Variants in FRMPD4 observed in about 807,000 individuals in gnomAD.
FRMPD4 encodes FERM and PDZ domain-containing protein 4.
FRMPD4 carries 22 observed loss-of-function variants against 94.1 expected under a neutral mutation model. The ratio of observed to expected loss-of-function variants is 0.23; its 90% CI spans 0.17 to 0.33. The LOEUF (loss-of-function observed/expected upper bound fraction) is 0.33, where lower values mean the gene tolerates loss of function less well. Among genes scored for constraint, FRMPD4 ranks in the 10% least tolerant of loss-of-function variants. The pLI, the probability that FRMPD4 is intolerant of heterozygous loss-of-function variation, is 1.00. For synonymous variants in FRMPD4, 631 were observed against 548.6 expected (o/e 1.15, Z -2.10); for missense variants, 1,111 against 1,339.9 (o/e 0.83, Z 2.67).
intron 3 of FRMPD4, among the ~76,000 whole-genome samples, chrX:12,015,621 C>T (rs1038314896): frequency 8.9e-5 from 10 of 112,388 alleles, no homozygotes; most frequent in Admixed American, 8.5e-4. Context: ...TTCCTAGTCT[C>T]CTGTGCATTT....
chrX:12,126,480 G>A (rs2055501337), intron 3 of FRMPD4, among the ~76,000 whole-genome samples: 1 of 111,665 alleles, frequency 9.0e-6, no homozygotes, highest in South Asian at 3.8e-4. Flanking sequence ...TACAGCTAAG[G>A]ATGGATCTGA....
At chrX:12,675,013 A>G (rs2059883954) in intron 5 of FRMPD4, 105 bp downstream of exon 5, 1 of 586,655 alleles carries the variant, frequency 1.7e-6, no homozygotes, top group African/African-American at 2.2e-5. Context: ...GAGAAAAATA[A>G]CATGCACTCA....
chrX:12,234,434 G>A (rs1365596996), intron 1 of FRMPD4, among the ~76,000 whole-genome samples: 2 of 111,429 alleles, frequency 1.8e-5, no homozygotes, highest in East Asian at 5.6e-4. Flanking sequence ...ATTTAAAAAT[G>A]AGCCAGAGTC....
chrX:12,289,874 G>A (rs180899576), intron 1 of FRMPD4, among the ~76,000 whole-genome samples: 2 of 111,971 alleles, frequency 1.8e-5, no homozygotes, highest in East Asian at 2.8e-4. Context: ...TCCTGAGAGG[G>A]GTTTAAAAGC....
intron 1 of FRMPD4, among the ~76,000 whole-genome samples, chrX:11,862,515 G>A (rs73495588): frequency 0.048 from 5,358 of 111,366 alleles, 310 homozygotes; most frequent in African/African-American, 0.17. Context: ...TGTTGGCTCT[G>A]ATAATGTGCC....
intron 1 of FRMPD4, among the ~76,000 whole-genome samples, chrX:12,237,635 C>A (rs1413029475): frequency 1.8e-5 from 2 of 111,784 alleles, no homozygotes; most frequent in Non-Finnish European, 3.8e-5. Context: ...TTTTACTACT[C>A]CTTTCTCTTT....
rs1221083399 is a variant in FRMPD4 at position 12,723,337 on chromosome X, A to T, written c.*1479A>T. The T allele has an allele frequency of 1.8e-5, 2 of 111,031 alleles. No individual in the cohort carries two copies. The highest frequency in any genetic ancestry group is 1.9e-4 in the Admixed American group (2 of 10,487). The allele number at this position is 111,031 out of a possible 1,213,427, so 9.2% of individuals were successfully genotyped here. On this transcript the variant is annotated 3_prime_UTR_variant, in exon 17 of 17. Transcript: ENST00000675598. ...GGCTCCTTAAGAACATGATGGGAGT[A>T]CACCAGGTGCAAATATTTCTACTTT...
intron 2 of FRMPD4, among the ~76,000 whole-genome samples, chrX:11,873,261 A>G (rs2053765032): frequency 9.0e-6 from 1 of 111,245 alleles, no homozygotes; most frequent in African/African-American, 3.3e-5. Flanking sequence ...AAGAAAAAAA[A>G]AACAGATTAG....
chrX:12,605,712 G>A (rs1312900023), intron 2 of FRMPD4, among the ~76,000 whole-genome samples: 3 of 110,722 alleles, frequency 2.7e-5, no homozygotes. Context: ...TTATGCCTCA[G>A]GACCTTTGTG....
chrX:12,402,367 C>G (rs1485102370), intron 1 of FRMPD4, among the ~76,000 whole-genome samples: 2 of 111,250 alleles, frequency 1.8e-5, no homozygotes, highest in African/African-American at 3.3e-5. Flanking sequence ...AGGTCCAAAG[C>G]CCCTGAGGTG....
At chrX:11,983,471 T>C (rs1400300451) in intron 3 of FRMPD4, among the ~76,000 whole-genome samples, 1 of 112,252 alleles carries the variant, frequency 8.9e-6, no homozygotes, top group East Asian at 2.8e-4. Flanking sequence ...GGATTTCTGC[T>C]TTTACTCAAT....
intron 1 of FRMPD4, among the ~76,000 whole-genome samples, chrX:12,265,017 T>C (rs2054250423): frequency 8.9e-6 from 1 of 112,342 alleles, no homozygotes; most frequent in Admixed American, 9.4e-5. Flanking sequence ...TATATAGCAG[T>C]AGAAGAAAAA....
intron 1 of FRMPD4, among the ~76,000 whole-genome samples, chrX:12,315,115 G>A (rs1057286587): frequency 2.7e-5 from 3 of 111,632 alleles, no homozygotes; most frequent in Non-Finnish European, 5.7e-5. Context: ...TTAGAAATTC[G>A]GTAGTTTCTC....
chrX:12,642,283 C>T (rs1301427688), intron 4 of FRMPD4, among the ~76,000 whole-genome samples: 1 of 111,623 alleles, frequency 9.0e-6, no homozygotes, highest in Non-Finnish European at 1.9e-5. Context: ...CACTGTAAAG[C>T]ATAATGATGG....
At chrX:12,546,688 A>G (rs1478357453) in intron 2 of FRMPD4, among the ~76,000 whole-genome samples, 1 of 111,378 alleles carries the variant, frequency 9.0e-6, no homozygotes, top group African/African-American at 3.3e-5. Context: ...GGGAATACAA[A>G]GGGATATTTT....
chrX:12,013,855 A>G (rs1476462081), intron 3 of FRMPD4, among the ~76,000 whole-genome samples: 1 of 113,267 alleles, frequency 8.8e-6, no homozygotes, highest in African/African-American at 3.2e-5. Context: ...AAAATATTAC[A>G]TGAGTATATT....
intron 4 of FRMPD4, among the ~76,000 whole-genome samples, chrX:12,673,811 C>G (rs781548565): frequency 2.2e-4 from 25 of 111,148 alleles, no homozygotes; most frequent in Non-Finnish European, 4.3e-4. Flanking sequence ...TTTCCCTGCC[C>G]TCTTGATTCC....
intron 3 of FRMPD4, among the ~76,000 whole-genome samples, chrX:12,040,996 T>A (rs1286731098): frequency 9.0e-6 from 1 of 111,412 alleles, no homozygotes; most frequent in African/African-American, 3.3e-5. Flanking sequence ...CTCTAGGGAT[T>A]ACTATACGCA....
chrX:12,183,519 A>G (rs935162138), intron 1 of FRMPD4, among the ~76,000 whole-genome samples: 1 of 112,029 alleles, frequency 8.9e-6, no homozygotes, highest in Admixed American at 9.5e-5. Flanking sequence ...AAAAATAGCT[A>G]TTTCAAGGAA....
Sources: allele counts gnomAD v4.1 joint callset (sites outside exome capture counted in the v4.1 genomes callset), GRCh38; gene constraint gnomAD v4.1.1; transcripts MANE v1.5; gene names NCBI Gene and HGNC (gene_info 2026-07-23, HGNC 2026-07-21).